Variants in DLGAP2 observed in about 807,000 individuals in gnomAD.
DLGAP2 encodes the protein DLG associated protein 2.
A neutral mutation model predicts 100.3 loss-of-function variants in DLGAP2; 26 were observed. That is an observed-to-expected ratio of 0.26 (90% CI 0.19 to 0.36). The LOEUF (loss-of-function observed/expected upper bound fraction) is 0.36. Ranked by LOEUF, DLGAP2 falls within the 10% of genes least tolerant of loss-of-function variation. DLGAP2 has a pLI of 1.00. For missense variants in DLGAP2, 1,858 were observed against 1,453.2 expected (o/e 1.28, Z -4.53); for synonymous variants, 886 against 630.1 (o/e 1.41, Z -6.08).
At chr8:1,338,826 G>C (rs79682952) in intron 3 of DLGAP2, among the ~76,000 whole-genome samples, 1 of 61,588 alleles carries the variant, frequency 1.6e-5, no homozygotes, top group Non-Finnish European at 3.2e-5. Flanking sequence ...GTGACCTAAG[G>C]GAAGTGTCAG....
intron 3 of DLGAP2, among the ~76,000 whole-genome samples, chr8:1,479,255 C>T (rs1186845111): frequency 5.3e-5 from 8 of 152,194 alleles, no homozygotes; most frequent in Non-Finnish European, 8.8e-5. Context: ...ACCTTTACTC[C>T]GCTGCCAAAC....
chr8:1,434,484 G>GT (rs34246139), intron 3 of DLGAP2, among the ~76,000 whole-genome samples: 12,385 of 149,434 alleles, frequency 0.083, 887 homozygotes, highest in East Asian at 0.37. Context: ...TGGGTTTTGG[G>GT]TTTTTTTTTT....
rs746306538 is a variant in DLGAP2 at position 1,156,807 on chromosome 8, G to T, written c.74-102044G>T. Among the ~76,000 whole-genome samples, 63 of 152,282 alleles carry T rather than the reference G, an allele frequency of 4.1e-4. No individual in the cohort carries two copies. The Middle Eastern group carries it at 0.01, about 25-fold the overall frequency. On this transcript the variant is annotated intron_variant, in intron 2 of 14. Transcript: ENST00000637795. Reference sequence around the variant, plus strand: ...CGTCTCCTTTTTGCTTTGTTCCCAGGTGGCATTTTTCATCCAGCTTCATTC... The same window carrying T: ...CGTCTCCTTTTTGCTTTGTTCCCAGTTGGCATTTTTCATCCAGCTTCATTC...
intron 2 of DLGAP2, among the ~76,000 whole-genome samples, chr8:1,145,823 CT>C (rs1256003255): frequency 4.2e-4 from 58 of 138,844 alleles, no homozygotes; most frequent in African/African-American, 1.6e-3. Context: ...TCCATGTGTT[CT>C]CATTGTTCAA....
At chr8:763,603 C>T (rs1821140987) in intron 1 of DLGAP2, among the ~76,000 whole-genome samples, 1 of 152,112 alleles carries the variant, frequency 6.6e-6, no homozygotes. Context: ...TGATGAGTGG[C>T]AGACGTTAGG....
intron 2 of DLGAP2, among the ~76,000 whole-genome samples, chr8:1,206,746 C>G (rs1798004285): frequency 6.6e-6 from 1 of 152,176 alleles, no homozygotes; most frequent in South Asian, 2.1e-4. Context: ...GAGAACTGGT[C>G]TTCCGGGCCC....
chr8:869,982 C>T (rs1281123382), intron 1 of DLGAP2, among the ~76,000 whole-genome samples: 1 of 149,876 alleles, frequency 6.7e-6, no homozygotes, highest in Admixed American at 6.7e-5. Context: ...TAGAAACTGG[C>T]TGAGAAAGAT....
At chr8:822,209 G>T (rs1796596307) in intron 1 of DLGAP2, 1 of 399,354 alleles carries the variant, frequency 2.5e-6, no homozygotes, top group Non-Finnish European at 4.4e-6. Flanking sequence ...GTGTGATCTT[G>T]CTCTTGCTTC....
chr8:1,058,416 A>G (rs10503157), intron 2 of DLGAP2, among the ~76,000 whole-genome samples: 5,078 of 152,302 alleles, frequency 0.033, 229 homozygotes, highest in East Asian at 0.16. Flanking sequence ...ATATGGGTTC[A>G]AAGTTTTGCA....
chr8:1,111,699 C>G (rs971175859), intron 2 of DLGAP2, among the ~76,000 whole-genome samples: 1 of 152,078 alleles, frequency 6.6e-6, no homozygotes, highest in African/African-American at 2.4e-5. Context: ...AGATAATGGC[C>G]TCCAGCTCCA....
chr8:789,889 T>A (rs113868984), intron 1 of DLGAP2, among the ~76,000 whole-genome samples: 290 of 152,330 alleles, frequency 1.9e-3, no homozygotes, highest in African/African-American at 6.8e-3. Flanking sequence ...GCTGGAGACA[T>A]GAAGCCAGGA....
chr8:1,585,294 C>T (rs1796081615), intron 6 of DLGAP2, among the ~76,000 whole-genome samples: 1 of 152,154 alleles, frequency 6.6e-6, no homozygotes, highest in Non-Finnish European at 1.5e-5. Flanking sequence ...AAAACCCTGT[C>T]TGTACTAAAA....
intron 3 of DLGAP2, chr8:1,368,534 C>A (rs904478872): frequency 6.6e-6 from 1 of 152,070 alleles, no homozygotes; most frequent in Non-Finnish European, 1.5e-5. Context: ...ATAGAATATA[C>A]CATCAAGCCT....
At chr8:1,358,518 A>G (rs761939790) in intron 3 of DLGAP2, among the ~76,000 whole-genome samples, 2 of 152,166 alleles carry the variant, frequency 1.3e-5, no homozygotes, top group Admixed American at 6.5e-5. Flanking sequence ...CATAGTCACC[A>G]TTTCCCTCTT....
chr8:1,116,306 G>C (rs1034289419), intron 2 of DLGAP2, among the ~76,000 whole-genome samples: 1 of 152,232 alleles, frequency 6.6e-6, no homozygotes, highest in South Asian at 2.1e-4. Flanking sequence ...CAAAGCACCA[G>C]CTGTGTCTCA....
chr8:1,612,414 G>A (rs1389032963), intron 6 of DLGAP2, among the ~76,000 whole-genome samples: 3 of 128,210 alleles, frequency 2.3e-5, no homozygotes, highest in African/African-American at 5.9e-5. Context: ...AGATTTAAAC[G>A]TTAGACCTAA....
intron 2 of DLGAP2, among the ~76,000 whole-genome samples, chr8:1,017,505 T>A (rs1489258257): frequency 1.0e-5 from 1 of 95,248 alleles, no homozygotes; most frequent in South Asian, 3.4e-4. Context: ...ACTGTGTGTG[T>A]GACCAGGACA....
intron 2 of DLGAP2, among the ~76,000 whole-genome samples, chr8:1,161,585 C>T (rs186405844): frequency 7.9e-5 from 12 of 152,290 alleles, no homozygotes; most frequent in East Asian, 1.9e-4. Flanking sequence ...TCCCAAACTC[C>T]GCTCCACAGA....
chr8:866,304 A>G (rs1166502612), intron 1 of DLGAP2, among the ~76,000 whole-genome samples: 2 of 151,996 alleles, frequency 1.3e-5, no homozygotes, highest in African/African-American at 4.8e-5. Flanking sequence ...TCCCCCTTCC[A>G]GTGTCTTGTC....
Sources: allele counts gnomAD v4.1 joint callset (sites outside exome capture counted in the v4.1 genomes callset), GRCh38; gene constraint gnomAD v4.1.1; transcripts MANE v1.5; gene names NCBI Gene and HGNC (gene_info 2026-07-23, HGNC 2026-07-21).